NUP155: variants seen among roughly 807,000 people sequenced by gnomAD.
NUP155 encodes the protein nuclear pore complex protein Nup155.
A neutral mutation model predicts 180.4 loss-of-function variants in NUP155; 71 were observed. The observed-to-expected ratio is 0.39, with a 90% CI of 0.33 to 0.48. NUP155 has a LOEUF of 0.48. Among genes scored for constraint, NUP155 ranks in the 20% least tolerant of loss-of-function variants. The pLI, the probability that NUP155 is intolerant of heterozygous loss-of-function variation, is 0.91. For synonymous variants in NUP155, 582 were observed against 559.5 expected (o/e 1.04, Z -0.57); for missense variants, 1,553 against 1,648.9 (o/e 0.94, Z 1.01).
intron 13 of NUP155, 98 bp from the exon 14 acceptor site, chr5:37,331,893 A>C: frequency 1.3e-6 from 1 of 791,936 alleles, no homozygotes; most frequent in Non-Finnish European, 2.2e-6. Flanking sequence ...GAAACAAACA[A>C]AAAAAACCAT....
intron 20 of NUP155, among the ~76,000 whole-genome samples, chr5:37,323,601 T>C (rs1744389463): frequency 6.7e-6 from 1 of 148,958 alleles, no homozygotes. Context: ...ATATTCCATT[T>C]ATATAACTAT....
chr5:37,298,813 C>T (rs746790074), intron 32 of NUP155, 55 bp downstream of exon 32: 15 of 916,074 alleles, frequency 1.6e-5, no homozygotes, highest in South Asian at 2.6e-5. Flanking sequence ...TCCATATCAA[C>T]GGAGAAAACC....
chr5:37,347,687 A>G (rs1746185421), intron 9 of NUP155, among the ~76,000 whole-genome samples: 1 of 114,984 alleles, frequency 8.7e-6, no homozygotes, highest in African/African-American at 3.6e-5. Flanking sequence ...CAAGAGTGAA[A>G]CTCCATCTCA....
chr5:37,360,786 A>AGC (rs1554132805), intron 3 of NUP155, among the ~76,000 whole-genome samples: 2 of 131,706 alleles, frequency 1.5e-5, no homozygotes, highest in African/African-American at 5.7e-5. Context: ...ATAAAAAAAA[A>AGC]GGGGGGGGGG....
chr5:37,307,229 A>C (rs1436268096), intron 25 of NUP155, 68 bp downstream of exon 25: 12 of 1,530,754 alleles, frequency 7.8e-6, no homozygotes, highest in Admixed American at 1.9e-5. Context: ...AACAAAAAAC[A>C]AAAAACATTA....
At chr5:37,308,851 G>C (rs919025992) in intron 24 of NUP155, among the ~76,000 whole-genome samples, 1 of 136,896 alleles carries the variant, frequency 7.3e-6, no homozygotes, top group East Asian at 2.1e-4. Context: ...CTGCACTCCA[G>C]CCTGGCTGAC....
intron 32 of NUP155, among the ~76,000 whole-genome samples, chr5:37,295,504 G>A (rs1383162817): frequency 3.3e-5 from 5 of 149,988 alleles, no homozygotes; most frequent in Admixed American, 1.3e-4. Flanking sequence ...CTGCCTGGCC[G>A]CCCATCGTCT....
chr5:37,333,349 G>T, intron 13 of NUP155, 114 bp downstream of exon 13: 1 of 974,312 alleles, frequency 1.0e-6, no homozygotes, highest in South Asian at 1.3e-5. Flanking sequence ...GCGAGACTCC[G>T]TCTCAAAAAA....
At chr5:37,348,048 C>T (rs957110752) in intron 9 of NUP155, among the ~76,000 whole-genome samples, 4 of 152,112 alleles carry the variant, frequency 2.6e-5, no homozygotes, top group African/African-American at 9.7e-5. Flanking sequence ...GCAGGAGAAT[C>T]GCTTGAACGC....
chr5:37,357,252 C>T (rs1746886603), intron 4 of NUP155, among the ~76,000 whole-genome samples: 1 of 151,550 alleles, frequency 6.6e-6, no homozygotes, highest in Non-Finnish European at 1.5e-5. Flanking sequence ...CAAAAATTAG[C>T]CTGGTGTGGT....
chr5:37,320,252 TG>T (rs1744159629), intron 20 of NUP155, among the ~76,000 whole-genome samples: 1 of 149,756 alleles, frequency 6.7e-6, no homozygotes, highest in South Asian at 2.1e-4. Context: ...CTGAGGCGGG[TG>T]GATAACCTGA....
intron 32 of NUP155, among the ~76,000 whole-genome samples, chr5:37,297,184 G>A (rs539068733): frequency 6.6e-6 from 1 of 152,194 alleles, no homozygotes; most frequent in African/African-American, 2.4e-5. Context: ...ACCATGCCTA[G>A]CTAATCTTAA....
intron 8 of NUP155, 114 bp downstream of exon 8, chr5:37,349,058 C>CG (rs1746291116): frequency 3.7e-6 from 1 of 269,188 alleles, no homozygotes; most frequent in African/African-American, 2.4e-5. Flanking sequence ...GCCCAGCAGG[C>CG]TTTTTTTTTT....
intron 12 of NUP155, 146 bp from the exon 13 acceptor site, chr5:37,333,779 CT>C (rs1363610999): frequency 3.7e-5 from 25 of 676,356 alleles, no homozygotes; most frequent in Non-Finnish European, 5.4e-5. Flanking sequence ...TTTCTACTAT[CT>C]TTTTTTTAAA....
intron 9 of NUP155, among the ~76,000 whole-genome samples, chr5:37,346,613 A>G (rs1173596864): frequency 6.6e-6 from 1 of 151,820 alleles, no homozygotes; most frequent in Non-Finnish European, 1.5e-5. Context: ...TGGAGGTTGT[A>G]GGGAGCCAAG....
intron 11 of NUP155, among the ~76,000 whole-genome samples, chr5:37,339,228 C>A (rs1017187389): frequency 2.0e-5 from 3 of 146,980 alleles, no homozygotes; most frequent in Non-Finnish European, 4.4e-5. Context: ...AGGAGGATTG[C>A]TTGAGCCGGG....
At chr5:37,300,291 T>A (rs1298544817) in intron 30 of NUP155, among the ~76,000 whole-genome samples, 2 of 152,232 alleles carry the variant, frequency 1.3e-5, no homozygotes, top group Non-Finnish European at 2.9e-5. Flanking sequence ...GAGTTACAAA[T>A]AATCCAATTA....
At chr5:37,347,507 C>T (rs1180148868) in intron 9 of NUP155, among the ~76,000 whole-genome samples, 1 of 151,024 alleles carries the variant, frequency 6.6e-6, no homozygotes, top group East Asian at 2.0e-4. Context: ...ACCAGCCTGA[C>T]CAACATGGAG....
intron 21 of NUP155, among the ~76,000 whole-genome samples, chr5:37,316,432 G>A (rs138120300): frequency 8.0e-4 from 121 of 152,156 alleles, no homozygotes; most frequent in Non-Finnish European, 1.5e-3. Flanking sequence ...AAAAAAATGG[G>A]GGGTTATTAT....
Sources: allele counts gnomAD v4.1 joint callset (sites outside exome capture counted in the v4.1 genomes callset), GRCh38; gene constraint gnomAD v4.1.1; transcripts MANE v1.5; gene names NCBI Gene and HGNC (gene_info 2026-07-23, HGNC 2026-07-21).